The following CCDC171 variants were observed in gnomAD, a reference collection of about 807,000 sequenced individuals.
CCDC171 encodes the protein coiled-coil domain containing 171.
A neutral mutation model predicts 168.2 loss-of-function variants in CCDC171; 177 were observed. The observed-to-expected ratio is 1.05, with a 90% confidence interval of 0.93 to 1.19. The LOEUF (loss-of-function observed/expected upper bound fraction) is 1.19, where lower values mean the gene tolerates loss of function less well. CCDC171 is among the 50% of genes most tolerant of loss of function. CCDC171 has a pLI of 0.00. For missense variants in CCDC171, 1,991 were observed against 1,539.0 expected (o/e 1.29, Z -4.91); for synonymous variants, 687 against 540.8 (o/e 1.27, Z -3.75).
chr9:15,639,172 A>T (rs2046413580), intron 7 of CCDC171, among the ~76,000 whole-genome samples: 1 of 152,048 alleles, frequency 6.6e-6, no homozygotes, highest in Admixed American at 6.5e-5. Flanking sequence ...ACCTTGTATG[A>T]TTCATCTTTT....
At chr9:15,737,060 A>T (rs1032085747) in intron 16 of CCDC171, among the ~76,000 whole-genome samples, 4 of 152,074 alleles carry the variant, frequency 2.6e-5, no homozygotes, top group Non-Finnish European at 5.9e-5. Flanking sequence ...TAGTTCTCTT[A>T]ATTTGTATTT....
upstream of CCDC171, among the ~76,000 whole-genome samples, chr9:16,038,585 A>G: frequency 6.6e-6 from 1 of 152,152 alleles, no homozygotes; most frequent in East Asian, 1.9e-4. Flanking sequence ...TTACCAAATC[A>G]GTAGAACAGG....
intron 3 of CCDC171, among the ~76,000 whole-genome samples, chr9:16,002,584 C>T (rs1832584655): frequency 6.6e-6 from 1 of 152,088 alleles, no homozygotes; most frequent in Non-Finnish European, 1.5e-5. Flanking sequence ...TTACAGTAAG[C>T]TAAGGTTAAT....
intron 23 of CCDC171, among the ~76,000 whole-genome samples, chr9:15,857,130 C>T (rs1236619541): frequency 6.6e-6 from 1 of 151,964 alleles, no homozygotes; most frequent in African/African-American, 2.4e-5. Flanking sequence ...TTAAAACCCT[C>T]ATGTGGTTTG....
chr9:16,102,565 C>T, the CCDC171 span, among the ~76,000 whole-genome samples: 1 of 152,074 alleles, frequency 6.6e-6, no homozygotes, highest in African/African-American at 2.4e-5. Context: ...TCTAGAACCT[C>T]CTTAGGCATG....
intron 18 of CCDC171, among the ~76,000 whole-genome samples, chr9:15,761,413 T>C (rs1374850437): frequency 6.6e-6 from 1 of 152,144 alleles, no homozygotes; most frequent in Non-Finnish European, 1.5e-5. Context: ...GTGCTGAGGC[T>C]TTATTGAATC....
At chr9:15,761,326 G>A (rs867453431) in intron 18 of CCDC171, among the ~76,000 whole-genome samples, 2 of 152,070 alleles carry the variant, frequency 1.3e-5, no homozygotes, top group Admixed American at 6.6e-5. Flanking sequence ...TCAACATTGA[G>A]GTTTCATACT....
chr9:16,104,293 C>T, the CCDC171 span, among the ~76,000 whole-genome samples: 1 of 152,056 alleles, frequency 6.6e-6, no homozygotes, highest in Non-Finnish European at 1.5e-5. Flanking sequence ...CTCCCCACGG[C>T]TCATCTCAAC....
chr9:16,095,355 A>C, the CCDC171 span, among the ~76,000 whole-genome samples: 1 of 152,140 alleles, frequency 6.6e-6, no homozygotes, highest in Non-Finnish European at 1.5e-5. Flanking sequence ...CTGGGGAAGA[A>C]TGCTCAGAAC....
chr9:16,048,616 T>C (rs1833698712), intron 1 of CCDC171, among the ~76,000 whole-genome samples: 1 of 152,248 alleles, frequency 6.6e-6, no homozygotes, highest in Non-Finnish European at 1.5e-5. Flanking sequence ...TGCCATTTAG[T>C]AGCCAGTGTA....
chr9:15,921,327 T>C (rs890314650), intron 25 of CCDC171, among the ~76,000 whole-genome samples: 7 of 151,800 alleles, frequency 4.6e-5, no homozygotes, highest in Non-Finnish European at 1.0e-4. Flanking sequence ...AACCAGGGTA[T>C]TCAAAATCAC....
At chr9:16,083,752 T>A in the CCDC171 span, among the ~76,000 whole-genome samples, 1 of 152,302 alleles carries the variant, frequency 6.6e-6, no homozygotes, top group African/African-American at 2.4e-5. Context: ...GCTCCCCTAA[T>A]GGAAGAGTTG....
chr9:15,677,879 CAT>C (rs71325929), intron 9 of CCDC171, among the ~76,000 whole-genome samples: 152 of 12,472 alleles, frequency 0.012, 3 homozygotes, highest in Non-Finnish European at 0.014. Flanking sequence ...GTGTGTGTGT[CAT>C]ATATATATAT....
At position 15,657,192 on chromosome 9, in the gene CCDC171, A is replaced by C. The variant is rs1400904024; in HGVS notation, c.888A>C (p.Glu296Asp). The change falls in exon 8 of 26, where the codon GAA (glutamate) becomes GAC (aspartate). Residue 296 changes from glutamate (E) to aspartate (D), a missense_variant. Coordinates refer to ENST00000380701, the MANE Select transcript of CCDC171 (RefSeq NM_173550.4). Reference sequence around the variant, plus strand: ...AAGCAGAAAGAGCAGCGCATTTGGAATCAAAATTTAATTCTGAAATTATTC... The same window carrying C: ...AAGCAGAAAGAGCAGCGCATTTGGACTCAAAATTTAATTCTGAAATTATTC... ...NIEAERAAHLESKFNSEIIQL... is the reference protein window; with the variant it reads ...NIEAERAAHLDSKFNSEIIQL... The C allele has an allele frequency of 6.2e-7, 1 of 1,610,392 alleles. No individual in the cohort carries two copies. Among genetic ancestry groups the C allele is most frequent in the Admixed American group, 1.7e-5 (1 of 59,828 alleles).
chr9:15,993,453 T>C (rs1488649577), intron 3 of CCDC171, among the ~76,000 whole-genome samples: 1 of 152,070 alleles, frequency 6.6e-6, no homozygotes, highest in Non-Finnish European at 1.5e-5. Context: ...TCAAGATGGG[T>C]TAAAGACTTA....
At chr9:16,091,600 T>G in the CCDC171 span, among the ~76,000 whole-genome samples, 13 of 152,078 alleles carry the variant, frequency 8.5e-5, no homozygotes, top group South Asian at 2.5e-3. Flanking sequence ...AACGGGAGAG[T>G]TGGGGCTCCT....
In CCDC171 at chr9:15,608,907, A is replaced by G. The variant is rs540715737; in HGVS notation, c.676-14360A>G. Among the ~76,000 whole-genome samples, 118 of 138,544 alleles carry G rather than the reference A, an allele frequency of 8.5e-4. 3 individuals carry two copies. Among genetic ancestry groups the G allele is most frequent in the African/African-American group, 2.7e-3 (102 of 37,718 alleles). The allele number at this position is 138,544 out of a possible 152,430, so 90.9% of individuals were successfully genotyped here. ...TGGGAGGTCAAGGCTGCATTGTCCT[A>G]TGATCACAGCCCGGGCTACAGAGCA... On this transcript the variant is annotated intron_variant, in intron 6 of 25. Coordinates refer to ENST00000380701, the MANE Select transcript of CCDC171 (RefSeq NM_173550.4).
chr9:15,806,011 CT>C (rs1165180044), intron 21 of CCDC171, among the ~76,000 whole-genome samples: 2 of 151,720 alleles, frequency 1.3e-5, no homozygotes, highest in Non-Finnish European at 2.9e-5. Context: ...CTTTTTTGAT[CT>C]TTGTTAGTCT....
intron 23 of CCDC171, among the ~76,000 whole-genome samples, chr9:15,852,792 A>G (rs555510428): frequency 1.2e-4 from 18 of 151,208 alleles, no homozygotes; most frequent in African/African-American, 4.1e-4. Flanking sequence ...TTTTTTTTAT[A>G]TGGCAATCCA....
Sources: gnomAD v4.1 joint callset for allele counts (sites outside exome capture counted in the v4.1 genomes callset) on GRCh38, gnomAD v4.1.1 for gene constraint, MANE v1.5 for transcripts, NCBI Gene and HGNC (gene_info 2026-07-23, HGNC 2026-07-21) for gene names.